STX1B: variants seen among roughly 807,000 people sequenced by gnomAD.
STX1B encodes the protein syntaxin 1B, also known as syntaxin-1B.
Under a neutral mutation model 39.4 loss-of-function variants are expected in STX1B, and 7 were observed. The observed-to-expected ratio is 0.18, with a 90% CI of 0.10 to 0.33. The LOEUF (loss-of-function observed/expected upper bound fraction) is 0.33, where lower values mean the gene tolerates loss of function less well. Among genes scored for constraint, STX1B ranks in the 10% least tolerant of loss-of-function variants. The pLI, the probability that STX1B is intolerant of heterozygous loss-of-function variation, is 1.00. For missense variants in STX1B, 198 were observed against 383.2 expected (o/e 0.52, Z 4.04); for synonymous variants, 136 against 144.1 (o/e 0.94, Z 0.40).
rs2056568854 is a variant in STX1B, at chr16:30,992,758, G to A, written c.*63C>T. ...GAGCAGGGGATGGAGTGAAAGGGGT[G>A]GTGGGGGTATTGCTCCCGATGTGGT... is the stretch of plus-strand genomic sequence containing the variant. On this transcript the variant is annotated 3_prime_UTR_variant, in exon 10 of 10. Coordinates refer to ENST00000215095, the MANE Select transcript of STX1B (RefSeq NM_052874.5). 2.9e-6 allele frequency: 3 copies of A among 1,017,610 alleles called. No individual in the cohort carries two copies. Among genetic ancestry groups the A allele is most frequent in the Admixed American group, 3.7e-5 (2 of 54,022 alleles). 63.0% of individuals were successfully genotyped at this position (1,017,610 alleles called of 1,614,324 possible). A position where few individuals can be genotyped will look rare whatever the true frequency, so the allele number is the denominator to read the frequency against.
intron 1 of STX1B, among the ~76,000 whole-genome samples, chr16:31,006,820 G>A (rs754674629): frequency 4.6e-5 from 7 of 152,192 alleles, no homozygotes; most frequent in Non-Finnish European, 8.8e-5. Context: ...ATAGCAGAAA[G>A]AAGCCCAGTG....
At chr16:31,009,838 C>T (rs978706065) in intron 1 of STX1B, among the ~76,000 whole-genome samples, 3 of 152,120 alleles carry the variant, frequency 2.0e-5, no homozygotes, top group East Asian at 1.9e-4. Flanking sequence ...CTCCCTGTCT[C>T]GGAGAGATGC....
rs200260175 is a variant in STX1B, at chr16:31,001,128, A to G, written c.171T>C (p.His57=). The part of the protein sequence containing the change: ...SEDVEQVKKQ[H]SAILAAPNPD... ...GGTTGGGTGCGGCCAGGATGGCGCT[A>G]TGCTGTTTTTTCACCTGCTCCACAT... is the stretch of plus-strand genomic sequence containing the variant. Residue 57 remains histidine (H), a synonymous_variant, in exon 3 of 10, where the codon CAT becomes CAC. Coordinates refer to ENST00000215095, the MANE Select transcript of STX1B (RefSeq NM_052874.5). The surrounding 1 kb of genome is among the most constrained non-coding windows in gnomAD (Gnocchi z 5.5). 2.0e-5 allele frequency: 33 copies of G among 1,613,964 alleles called. No homozygotes were observed. Among genetic ancestry groups the G allele is most frequent in the Non-Finnish European group, 2.8e-5 (33 of 1,180,024 alleles).
intron 8 of STX1B, 53 bp from the exon 9 acceptor site, chr16:30,993,293 G>C: frequency 6.2e-7 from 1 of 1,613,454 alleles, no homozygotes; most frequent in South Asian, 1.1e-5. Context: ...GCTGGAAGAG[G>C]GGACCTCAGG....
At chr16:30,999,624 C>CAGGG (rs1324633726) in intron 4 of STX1B, among the ~76,000 whole-genome samples, 1 of 152,190 alleles carries the variant, frequency 6.6e-6, no homozygotes, top group Non-Finnish European at 1.5e-5. Flanking sequence ...CTCGCCAGCC[C>CAGGG]CTGATGTCAG....
In STX1B at chr16:30,997,488, C is replaced by T. The variant is rs1387911442; in HGVS notation, c.354+14G>A. 1 of 1,594,772 alleles carries T rather than the reference C, an allele frequency of 6.3e-7. No homozygotes were observed. ...GGGTCCCGACCCGACCCCCAATGGG[C>T]TGCCGCCTCCTACCTGGGTCTTGCG... On this transcript the variant is annotated intron_variant, in intron 5 of 9. Transcript: ENST00000215095.
In STX1B at chr16:30,990,661, T is replaced by C. The variant is rs561405177; in HGVS notation, c.*2160A>G. Reference sequence around the variant, plus strand: ...AAGCCCCATGCCAGGGCATGGCACATTTGTGTACTTGTGTGTTCACCTTTC... The same window carrying C: ...AAGCCCCATGCCAGGGCATGGCACACTTGTGTACTTGTGTGTTCACCTTTC... On this transcript the variant is annotated 3_prime_UTR_variant, in exon 10 of 10. Transcript: ENST00000215095. The C allele has an allele frequency of 6.6e-6, 1 of 152,340 alleles. No homozygotes were observed. The highest frequency in any genetic ancestry group is 2.4e-5 in the African/African-American group (1 of 41,562). 9.4% of individuals were successfully genotyped at this position (152,340 alleles called of 1,614,324 possible).
intron 7 of STX1B, among the ~76,000 whole-genome samples, chr16:30,994,101 G>C (rs1389132246): frequency 6.6e-6 from 1 of 151,448 alleles, no homozygotes. Flanking sequence ...GACTATCCTG[G>C]CTAATGCGGT....
At chr16:30,993,519 T>C in intron 7 of STX1B, 35 bp from the exon 8 acceptor site, 1 of 1,609,510 alleles carries the variant, frequency 6.2e-7, no homozygotes, top group Non-Finnish European at 8.5e-7. Flanking sequence ...CAATCACCCT[T>C]CTCCGCCATG....
Position 31,001,269 on chromosome 16 carries a change from C to T in STX1B, c.106-76G>A. On this transcript the variant is annotated intron_variant, in intron 2 of 9. Transcript: ENST00000215095. The surrounding 1 kb of genome is among the most constrained non-coding windows in gnomAD (Gnocchi z 5.5). ...GGTTCCAGGGGAACCAGCCAGGGTTCAGGGGAATGGACCAGCCCCAGAACG... is the reference window on the plus strand; with the variant it reads ...GGTTCCAGGGGAACCAGCCAGGGTTTAGGGGAATGGACCAGCCCCAGAACG... 1 of 1,435,972 alleles carries T rather than the reference C, an allele frequency of 7.0e-7. No homozygotes were observed. The highest frequency in any genetic ancestry group is 2.3e-5 in the East Asian group (1 of 43,598). 89.0% of individuals were successfully genotyped at this position (1,435,972 alleles called of 1,614,324 possible).
chr16:31,009,102 G>A lies in STX1B; in HGVS notation c.30+1265C>T, dbSNP rs1324573532. Among the ~76,000 whole-genome samples, 10 of 152,172 alleles carry A rather than the reference G, an allele frequency of 6.6e-5. No homozygotes were observed. In the East Asian group the frequency reaches 1.5e-3, roughly 24 times the overall value. ...CAACCTGTCTGTCCCCAGAGACAGC[G>A]GTCACTTGCCTCCAAACACCTTCTT... is the stretch of plus-strand genomic sequence containing the variant. On this transcript the variant is annotated intron_variant, in intron 1 of 9. Coordinates refer to ENST00000215095, the MANE Select transcript of STX1B (RefSeq NM_052874.5).
At position 31,001,124 on chromosome 16, in the gene STX1B, C is replaced by T. The variant is rs202077851; in HGVS notation, c.175G>A (p.Ala59Thr). 4.2e-5 allele frequency: 67 copies of T among 1,614,030 alleles called. No individual in the cohort carries two copies. The highest frequency in any genetic ancestry group is 5.3e-5 in the Non-Finnish European group (62 of 1,180,042). The stretch of plus-strand genomic sequence containing the variant: ...TCTGGGTTGGGTGCGGCCAGGATGG[C>T]GCTATGCTGTTTTTTCACCTGCTCC... ...DVEQVKKQHS[A>T]ILAAPNPDEK... The change falls in exon 3 of 10, where the codon GCC becomes ACC. Residue 59 changes from alanine (A) to threonine (T), a missense_variant. By Grantham distance (58) the Ala-to-Thr change is moderately conservative. Coordinates refer to ENST00000215095, the MANE Select transcript of STX1B (RefSeq NM_052874.5). This position sits in a 1 kb window ranked among gnomAD's most constrained non-coding sequence, Gnocchi z 5.5.
chr16:30,995,933 T>C (rs1160890113), intron 7 of STX1B, among the ~76,000 whole-genome samples: 2 of 152,108 alleles, frequency 1.3e-5, no homozygotes, highest in Admixed American at 6.5e-5. Context: ...TCCCAGCACT[T>C]TGGGAGGCTG....
chr16:31,010,304 AT>A, intron 1 of STX1B, 62 bp downstream of exon 1: 1 of 293,464 alleles, frequency 3.4e-6, no homozygotes, highest in Non-Finnish European at 6.1e-6. Context: ...CCCCCACTCC[AT>A]CCCCACGCGC....
Position 30,997,483 on chromosome 16 carries a change from A to G in STX1B, c.354+19T>C, listed in dbSNP as rs772881088. On this transcript the variant is annotated intron_variant, in intron 5 of 9. Coordinates refer to ENST00000215095, the MANE Select transcript of STX1B (RefSeq NM_052874.5). Reference sequence around the variant, plus strand: ...GAGCTGGGTCCCGACCCGACCCCCAATGGGCTGCCGCCTCCTACCTGGGTC... The same window carrying G: ...GAGCTGGGTCCCGACCCGACCCCCAGTGGGCTGCCGCCTCCTACCTGGGTC... 1.0e-4 allele frequency: 165 copies of G among 1,591,600 alleles called. 2 individuals are homozygous for G. Among genetic ancestry groups the G allele is most frequent in the South Asian group, 5.8e-4 (51 of 87,380 alleles).
rs1234767441 is a variant in STX1B at position 30,996,988 on chromosome 16, G to A, written c.426C>T (p.Asp142=). The A allele has an allele frequency of 1.2e-6, 2 of 1,613,712 alleles. No homozygotes were observed. Among genetic ancestry groups the A allele is most frequent in the Admixed American group, 1.7e-5 (1 of 59,976 alleles). The change falls in exon 6 of 10, where the codon GAC becomes GAT. Residue 142 remains aspartate (D), a synonymous_variant. Coordinates refer to ENST00000215095, the MANE Select transcript of STX1B (RefSeq NM_052874.5). ...GCCGCTGGATCCGGTCCTTGCAGCG[G>A]TCCCGGTACTTGGACTGGGTCGCGT... The part of the protein sequence containing the change: ...EYNATQSKYR[D]RCKDRIQRQL...
intron 4 of STX1B, among the ~76,000 whole-genome samples, chr16:30,998,538 G>A (rs1440717843): frequency 6.6e-6 from 1 of 152,248 alleles, no homozygotes; most frequent in Non-Finnish European, 1.5e-5. Flanking sequence ...TCTCTTACAG[G>A]ATCTCATTGA....
Position 30,991,776 on chromosome 16 carries a change from G to C in STX1B, c.*1045C>G. 6.6e-6 allele frequency: 1 copy of C among 152,252 alleles called. No homozygotes were observed. The highest frequency in any genetic ancestry group is 1.9e-4 in the East Asian group (1 of 5,196). 9.4% of individuals were successfully genotyped at this position (152,252 alleles called of 1,614,324 possible). A position where few individuals can be genotyped will look rare whatever the true frequency, so the allele number is the denominator to read the frequency against. On this transcript the variant is annotated 3_prime_UTR_variant, in exon 10 of 10. Transcript: ENST00000215095. Reference sequence around the variant, plus strand: ...CCAGCTACTTGGGAGGCTGAGGCATGAGAATCGCTTGCGTCAGGGAGGCAC... The same window carrying C: ...CCAGCTACTTGGGAGGCTGAGGCATCAGAATCGCTTGCGTCAGGGAGGCAC...
Position 30,997,072 on chromosome 16 carries a change from TG to T in STX1B, c.355-14del, listed in dbSNP as rs1232145348. On this transcript the variant is annotated splice_polypyrimidine_tract_variant and intron_variant, in intron 5 of 9. Coordinates refer to ENST00000215095, the MANE Select transcript of STX1B (RefSeq NM_052874.5). ...ACAGTGTGGAGTGCTACGGTGGGGG[TG>T]GGGGGACAGACGGATCAGGGAGGTA... The T allele has an allele frequency of 4.5e-6, 5 of 1,108,514 alleles. No homozygotes were observed. Among genetic ancestry groups the T allele is most frequent in the Non-Finnish European group, 6.1e-6 (5 of 820,816 alleles). 68.7% of individuals were successfully genotyped at this position (1,108,514 alleles called of 1,614,324 possible).
Sources: allele counts gnomAD v4.1 joint callset (sites outside exome capture counted in the v4.1 genomes callset), GRCh38; gene constraint gnomAD v4.1.1; non-coding constraint Gnocchi (gnomAD v3.1); transcripts MANE v1.5; gene names NCBI Gene and HGNC (gene_info 2026-07-23, HGNC 2026-07-21).